The following MTG1 variants were observed in gnomAD, a reference collection of about 807,000 sequenced individuals.
MTG1 encodes mitochondrial ribosome-associated GTPase 1.
Under a neutral mutation model 39.5 loss-of-function variants are expected in MTG1, and 30 were observed. That is an observed-to-expected ratio of 0.76 (90% confidence interval 0.57 to 1.03). The LOEUF (loss-of-function observed/expected upper bound fraction) is 1.03. MTG1 is among the 50% of genes least tolerant of loss of function. The pLI is 0.00. For synonymous variants in MTG1, 217 were observed against 179.0 expected (o/e 1.21, Z -1.69); for missense variants, 513 against 447.4 (o/e 1.15, Z -1.32).
intron 9 of MTG1, among the ~76,000 whole-genome samples, chr10:133,409,188 C>T (rs746798616): frequency 2.0e-5 from 3 of 151,684 alleles, no homozygotes; most frequent in Middle Eastern, 3.2e-3. Context: ...TATAAACTTC[C>T]GTCTTAGCAA....
At chr10:133,401,461 C>T in intron 6 of MTG1, 68 bp from the exon 7 acceptor site, 2 of 1,369,100 alleles carry the variant, frequency 1.5e-6, no homozygotes, top group Non-Finnish European at 2.0e-6. Flanking sequence ...TTACATACGT[C>T]TCCCTACTTG....
intron 9 of MTG1, among the ~76,000 whole-genome samples, chr10:133,406,819 C>G (rs1849976971): frequency 6.6e-6 from 1 of 152,052 alleles, no homozygotes; most frequent in Non-Finnish European, 1.5e-5. Flanking sequence ...TGCCCGCCAC[C>G]ATACCTGGCT....
rs145673810 is a variant in MTG1, at chr10:133,402,252, C to CGGGGCT, written c.670+29_670+34dup. On this transcript the variant is annotated splice_region_variant and intron_variant, in intron 8 of 10. Coordinates refer to ENST00000317502, the MANE Select transcript of MTG1 (RefSeq NM_138384.4). This position sits in a 1 kb window ranked among gnomAD's most constrained non-coding sequence, Gnocchi z 4.7. ...CTGAAGCTGGCCCTGTGTGGTGAGC[C>CGGGGCT]GGGGCTGGGGCTGGGGCTGGGGCTG... The CGGGGCT allele has an allele frequency of 6.3e-5, 83 of 1,308,064 alleles. No homozygotes were observed. Among genetic ancestry groups the CGGGGCT allele is most frequent in the East Asian group, 7.9e-5 (3 of 37,890 alleles). The allele number at this position is 1,308,064 out of a possible 1,614,324, so 81.0% of individuals were successfully genotyped here.
At chr10:133,394,652 C>A (rs1252907472) in intron 1 of MTG1, 3 of 1,192,022 alleles carry the variant, frequency 2.5e-6, no homozygotes, top group African/African-American at 1.6e-5. Context: ...CCCTTTTAAT[C>A]CCCCGAAGCC....
At chr10:133,416,515 T>C (rs760313646) in intron 9 of MTG1, among the ~76,000 whole-genome samples, 1 of 150,342 alleles carries the variant, frequency 6.7e-6, no homozygotes, top group Non-Finnish European at 1.5e-5. Context: ...AACTCGTCAT[T>C]TAGCATTAGG....
At chr10:133,398,181 A>G (rs560718347) in intron 3 of MTG1, among the ~76,000 whole-genome samples, 1 of 152,366 alleles carries the variant, frequency 6.6e-6, no homozygotes, top group Non-Finnish European at 1.5e-5. Context: ...GATTAACAGC[A>G]CTGATGTTTA....
At chr10:133,394,902 G>A in intron 1 of MTG1, 1 of 227,506 alleles carries the variant, frequency 4.4e-6, no homozygotes, top group Non-Finnish European at 7.3e-6. Context: ...GTGTACTGGG[G>A]GCCGAGGGGG....
intron 9 of MTG1, among the ~76,000 whole-genome samples, chr10:133,410,491 C>A (rs765810533): frequency 6.6e-6 from 1 of 152,146 alleles, no homozygotes; most frequent in East Asian, 1.9e-4. Flanking sequence ...TCTTCCTTCG[C>A]ATGTGGTTAA....
intron 5 of MTG1, 86 bp from the exon 6 acceptor site, chr10:133,399,443 G>T: frequency 2.1e-6 from 3 of 1,404,042 alleles, no homozygotes; most frequent in Non-Finnish European, 3.0e-6. Flanking sequence ...GACCTGGCCT[G>T]GGGTCCCCTT....
Position 133,420,247 on chromosome 10 carries a change from C to T in MTG1, c.*82C>T. The T allele has an allele frequency of 6.8e-7, 1 of 1,475,264 alleles. No individual in the cohort carries two copies. Among genetic ancestry groups the T allele is most frequent in the Non-Finnish European group, 9.0e-7 (1 of 1,106,250 alleles). 91.4% of individuals were successfully genotyped at this position (1,475,264 alleles called of 1,614,324 possible). ...GTGGTTGAGGCTCAAGACAGCTCACCCGGTCCAGAAGCTCCATGCTGGTCA... is the reference window on the plus strand; with the variant it reads ...GTGGTTGAGGCTCAAGACAGCTCACTCGGTCCAGAAGCTCCATGCTGGTCA... On this transcript the variant is annotated 3_prime_UTR_variant, in exon 11 of 11. Transcript: ENST00000317502.
chr10:133,411,699 A>AT (rs1456135218), intron 9 of MTG1, among the ~76,000 whole-genome samples: 3 of 149,800 alleles, frequency 2.0e-5, no homozygotes, highest in Non-Finnish European at 4.4e-5. Flanking sequence ...AGGCTCACTG[A>AT]TTTTTTCCTC....
intron 7 of MTG1, 141 bp downstream of exon 7, chr10:133,401,731 C>T: frequency 1.2e-6 from 1 of 800,022 alleles, no homozygotes; most frequent in Middle Eastern, 2.2e-4. Context: ...ACCCCCGGGG[C>T]AGGCACTGCC....
intron 9 of MTG1, among the ~76,000 whole-genome samples, chr10:133,415,553 G>C (rs555036088): frequency 2.3e-4 from 35 of 152,318 alleles, no homozygotes; most frequent in African/African-American, 8.2e-4. Flanking sequence ...GCTTGAGAGG[G>C]GTTGGTCTCC....
intron 9 of MTG1, among the ~76,000 whole-genome samples, chr10:133,417,585 A>C (rs1044434478): frequency 1.3e-5 from 2 of 151,940 alleles, no homozygotes; most frequent in Non-Finnish European, 2.9e-5. Flanking sequence ...AGGAAATCAA[A>C]TTGTCCCTGT....
intron 9 of MTG1, among the ~76,000 whole-genome samples, chr10:133,416,162 A>G (rs1850129015): frequency 6.6e-6 from 1 of 152,078 alleles, no homozygotes; most frequent in Non-Finnish European, 1.5e-5. Flanking sequence ...TCTGCAATGT[A>G]TAATCTGCTG....
intron 9 of MTG1, among the ~76,000 whole-genome samples, chr10:133,413,282 T>C (rs1226379110): frequency 1.3e-5 from 2 of 152,164 alleles, no homozygotes; most frequent in Admixed American, 6.5e-5. Flanking sequence ...AGCTAATTGT[T>C]TTTGTATTTT....
rs777614077 is a variant in MTG1 at position 133,399,150 on chromosome 10, T to C, written c.364-20T>C. On this transcript the variant is annotated intron_variant, in intron 4 of 10. Transcript: ENST00000317502. ...AGACGTCCGACCTGGGGTGGCTCCA[T>C]GAGTGGGTGTTTGTTGCAGATCATC... 6 of 1,614,020 alleles carry C rather than the reference T, an allele frequency of 3.7e-6. No homozygotes were observed. Among genetic ancestry groups the C allele is most frequent in the Non-Finnish European group, 4.2e-6 (5 of 1,179,942 alleles).
At chr10:133,419,687 G>T (rs1186257194) in intron 10 of MTG1, 95 bp downstream of exon 10, 7 of 1,045,066 alleles carry the variant, frequency 6.7e-6, no homozygotes, top group African/African-American at 1.6e-5. Context: ...AGAGGAACGT[G>T]TCAAGGAGCA....
At chr10:133,418,651 A>G (rs1263078643) in intron 9 of MTG1, among the ~76,000 whole-genome samples, 1 of 151,908 alleles carries the variant, frequency 6.6e-6, no homozygotes, top group Non-Finnish European at 1.5e-5. Flanking sequence ...CCTTGGGGTG[A>G]GTCCTCTGTT....
Sources: allele counts gnomAD v4.1 joint callset (sites outside exome capture counted in the v4.1 genomes callset), GRCh38; gene constraint gnomAD v4.1.1; non-coding constraint Gnocchi (gnomAD v3.1); transcripts MANE v1.5; gene names NCBI Gene and HGNC (gene_info 2026-07-23, HGNC 2026-07-21).